The following GPR160 variants were observed in gnomAD, a reference collection of about 807,000 sequenced individuals.
GPR160 encodes G protein-coupled receptor 160.
A neutral mutation model predicts 2.6 loss-of-function variants in GPR160; 2 were observed. That is an observed-to-expected ratio of 0.77 (90% CI 0.32 to 2.44). The LOEUF is 2.44. Among genes scored for constraint, GPR160 ranks in the 30% most tolerant of loss-of-function variants. The pLI, the probability that GPR160 is intolerant of heterozygous loss-of-function variation, is 0.11. For missense variants in GPR160, 351 were observed against 383.6 expected, an observed-to-expected ratio of 0.91 and a Z score of 0.71; for synonymous variants, 130 against 132.2, an observed-to-expected ratio of 0.98 and a Z score of 0.12.
At chr3:170,047,835 CTT>C (rs1225615379) in intron 2 of GPR160, among the ~76,000 whole-genome samples, 159 of 125,056 alleles carry the variant, frequency 1.3e-3, no homozygotes, top group African/African-American at 4.3e-3. Flanking sequence ...GGACATTATT[CTT>C]TTTTTTTTTT....
At chr3:170,065,220 TTTCTA>T (rs1230662709) in intron 2 of GPR160, among the ~76,000 whole-genome samples, 6 of 152,372 alleles carry the variant, frequency 3.9e-5, no homozygotes, top group Non-Finnish European at 2.9e-5. Context: ...TTACATTTCC[TTTCTA>T]AACTTTTTTG....
At chr3:170,060,681 A>G (rs1711891744) in intron 2 of GPR160, among the ~76,000 whole-genome samples, 1 of 152,166 alleles carries the variant, frequency 6.6e-6, no homozygotes, top group African/African-American at 2.4e-5. Flanking sequence ...TGCGGTGGGA[A>G]GATCACTTGA....
At chr3:170,052,199 T>A (rs1716987093) in intron 2 of GPR160, among the ~76,000 whole-genome samples, 1 of 152,258 alleles carries the variant, frequency 6.6e-6, no homozygotes, top group Non-Finnish European at 1.5e-5. Context: ...GTACTGGGAT[T>A]ATAGGCGTGA....
At position 170,038,506 on chromosome 3, in the gene GPR160, A is replaced by G. The variant is rs1344198290; in HGVS notation, c.-322+291A>G. 2 of 152,240 alleles carry G rather than the reference A, an allele frequency of 1.3e-5. No homozygotes were observed. Among genetic ancestry groups the G allele is most frequent in the Non-Finnish European group, 2.9e-5 (2 of 68,118 alleles). The allele number at this position is 152,240 out of a possible 1,614,324, so 9.4% of individuals were successfully genotyped here. ...GGTTTGAGGGCAGGGGGTCTGGGGA[A>G]TGGGCGTGTCCCGCACCCAGAGACT... On this transcript the variant is annotated intron_variant, in intron 1 of 3. Transcript: ENST00000355897. This position sits in a 1 kb window ranked among gnomAD's most constrained non-coding sequence, Gnocchi z 5.3.
At chr3:170,058,466 G>A (rs1280397230) in intron 2 of GPR160, among the ~76,000 whole-genome samples, 1 of 152,172 alleles carries the variant, frequency 6.6e-6, no homozygotes, top group African/African-American at 2.4e-5. Flanking sequence ...AAGATAAAAT[G>A]GAGAATAAGT....
intron 2 of GPR160, among the ~76,000 whole-genome samples, chr3:170,059,030 A>AACACACACAC (rs10542909): frequency 7.4e-5 from 11 of 148,792 alleles, no homozygotes; most frequent in African/African-American, 2.5e-4. Context: ...CACATGCACA[A>AACACACACAC]ACACACACAC....
chr3:170,042,813 C>T (rs1463083385), intron 2 of GPR160, among the ~76,000 whole-genome samples: 1 of 135,888 alleles, frequency 7.4e-6, no homozygotes, highest in Non-Finnish European at 1.5e-5. Flanking sequence ...GACGATAGGG[C>T]AAGACTCTCT....
intron 2 of GPR160, among the ~76,000 whole-genome samples, chr3:170,039,542 TA>T (rs1716357239): frequency 2.0e-5 from 3 of 152,158 alleles, no homozygotes; most frequent in African/African-American, 7.2e-5. Context: ...AACCCTTCTC[TA>T]CTAAAAATAC....
intron 2 of GPR160, among the ~76,000 whole-genome samples, chr3:170,066,130 CTTTTTTTTTT>C (rs768660597): frequency 3.9e-4 from 33 of 85,210 alleles, no homozygotes; most frequent in African/African-American, 3.1e-4. Context: ...TTTTCTTTTT[CTTTTTTTTTT>C]TTTTTTTTTT....
At chr3:170,059,858 G>A (rs905621205) in intron 2 of GPR160, among the ~76,000 whole-genome samples, 2 of 152,032 alleles carry the variant, frequency 1.3e-5, no homozygotes, top group Non-Finnish European at 2.9e-5. Flanking sequence ...CCCTCTAGCA[G>A]GCCCAAGTGT....
intron 2 of GPR160, among the ~76,000 whole-genome samples, chr3:170,072,774 C>T (rs987213612): frequency 2.6e-5 from 4 of 152,152 alleles, no homozygotes; most frequent in Non-Finnish European, 5.9e-5. Context: ...GATCCACCCC[C>T]ATGACCCAAA....
chr3:170,074,131 C>T (rs930071978), intron 2 of GPR160, among the ~76,000 whole-genome samples: 2 of 151,962 alleles, frequency 1.3e-5, no homozygotes, highest in African/African-American at 4.8e-5. Context: ...TTAGGTGATC[C>T]GCTGGCCTCA....
intron 2 of GPR160, among the ~76,000 whole-genome samples, chr3:170,059,425 T>A (rs1289911895): frequency 1.3e-5 from 2 of 151,972 alleles, no homozygotes; most frequent in Non-Finnish European, 1.5e-5. Flanking sequence ...ATGGAAAAAA[T>A]TAGGCTTTAT....
intron 2 of GPR160, among the ~76,000 whole-genome samples, chr3:170,076,547 TA>T (rs1175447926): frequency 1.3e-5 from 2 of 151,950 alleles, no homozygotes; most frequent in South Asian, 2.1e-4. Flanking sequence ...TTTTAATTAT[TA>T]TTTTTTTTTT....
At chr3:170,050,770 G>C (rs1716922123) in intron 2 of GPR160, among the ~76,000 whole-genome samples, 1 of 152,206 alleles carries the variant, frequency 6.6e-6, no homozygotes, top group Admixed American at 6.5e-5. Context: ...CCATGTTGCA[G>C]CATGTATCAG....
intron 2 of GPR160, among the ~76,000 whole-genome samples, chr3:170,052,935 C>T (rs1717020913): frequency 6.6e-6 from 1 of 151,878 alleles, no homozygotes; most frequent in African/African-American, 2.4e-5. Flanking sequence ...ATACGGTTAT[C>T]CAGTTAGTCC....
At chr3:170,050,062 C>CA (rs1553767058) in intron 2 of GPR160, among the ~76,000 whole-genome samples, 1 of 144,512 alleles carries the variant, frequency 6.9e-6, no homozygotes, top group African/African-American at 2.5e-5. Context: ...CAGACAATTC[C>CA]TTTTTTTTTT....
intron 2 of GPR160, among the ~76,000 whole-genome samples, chr3:170,076,206 A>T (rs1712841071): frequency 6.6e-6 from 1 of 152,204 alleles, no homozygotes. Context: ...ACTGTAATAC[A>T]CATCTGTCAC....
intron 2 of GPR160, among the ~76,000 whole-genome samples, chr3:170,064,092 AT>A (rs956481203): frequency 2.0e-5 from 3 of 152,120 alleles, no homozygotes; most frequent in African/African-American, 4.8e-5. Flanking sequence ...AAGCGGCTGT[AT>A]TTTTTTGGGG....
Sources: gnomAD v4.1 joint callset for allele counts (sites outside exome capture counted in the v4.1 genomes callset) on GRCh38, gnomAD v4.1.1 for gene constraint, Gnocchi (gnomAD v3.1) non-coding constraint, MANE v1.5 for transcripts, NCBI Gene and HGNC (gene_info 2026-07-23, HGNC 2026-07-21) for gene names.